The following IQCJ variants were observed in gnomAD, a reference collection of about 807,000 sequenced individuals.
IQCJ encodes the protein IQ domain-containing protein J.
Under a neutral mutation model 11.0 loss-of-function variants are expected in IQCJ, and 9 were observed. That is an observed-to-expected ratio of 0.82 (90% CI 0.49 to 1.43). The LOEUF (loss-of-function observed/expected upper bound fraction) is 1.43, where lower values mean the gene tolerates loss of function less well. Among genes scored for constraint, IQCJ ranks in the 40% most tolerant of loss-of-function variants. The pLI is 0.00. For synonymous variants in IQCJ, 55 were observed against 51.3 expected (o/e 1.07, Z -0.31); for missense variants, 146 against 133.2 (o/e 1.10, Z -0.47).
intron 1 of IQCJ, among the ~76,000 whole-genome samples, chr3:159,179,436 T>C (rs1722966256): frequency 6.6e-6 from 1 of 152,134 alleles, no homozygotes; most frequent in Admixed American, 6.5e-5. Flanking sequence ...CCTATCAAAC[T>C]GGTAAAGGGT....
chr3:159,123,200 TGA>T (rs762800049), intron 1 of IQCJ, among the ~76,000 whole-genome samples: 9 of 152,190 alleles, frequency 5.9e-5, no homozygotes, highest in Admixed American at 1.3e-4. Flanking sequence ...GCAGTATATT[TGA>T]CTTCATATCC....
chr3:159,160,515 T>A (rs958085286), intron 1 of IQCJ, among the ~76,000 whole-genome samples: 10 of 151,758 alleles, frequency 6.6e-5, no homozygotes, highest in Non-Finnish European at 8.8e-5. Flanking sequence ...ATATTTTTAT[T>A]TTTTTATTTT....
intron 1 of IQCJ, among the ~76,000 whole-genome samples, chr3:159,205,985 G>A (rs1724637504): frequency 6.6e-6 from 1 of 152,140 alleles, no homozygotes; most frequent in Non-Finnish European, 1.5e-5. Flanking sequence ...AGTGGGCAGT[G>A]CCTTAATTTC....
intron 1 of IQCJ, among the ~76,000 whole-genome samples, chr3:159,132,211 T>G (rs908951478): frequency 6.6e-6 from 1 of 152,200 alleles, no homozygotes; most frequent in Non-Finnish European, 1.5e-5. Flanking sequence ...AGATTTAGGC[T>G]CAGAATTGGA....
intron 1 of IQCJ, among the ~76,000 whole-genome samples, chr3:159,136,213 T>G (rs1349823799): frequency 1.3e-5 from 2 of 152,202 alleles, no homozygotes; most frequent in African/African-American, 4.8e-5. Context: ...GATATTTTAG[T>G]ACAGCCCCCT....
In IQCJ at chr3:159,263,101, G is replaced by A. The variant is rs779492056; in HGVS notation, c.*370G>A. 6 of 992,114 alleles carry A rather than the reference G, an allele frequency of 6.0e-6. No homozygotes were observed. The highest frequency in any genetic ancestry group is 7.2e-6 in the Non-Finnish European group (6 of 833,304). 61.5% of individuals were successfully genotyped at this position (992,114 alleles called of 1,614,324 possible). On this transcript the variant is annotated 3_prime_UTR_variant, in exon 4 of 4. Coordinates refer to ENST00000397832, the MANE Select transcript of IQCJ (RefSeq NM_001042706.3). The stretch of plus-strand genomic sequence containing the variant: ...AGAATTGAAAGTGGTCACACACTCA[G>A]GGGTTGCAACTTAAATGTCTCCAGG...
chr3:159,112,571 T>A (rs1021886938), intron 1 of IQCJ, among the ~76,000 whole-genome samples: 1 of 146,088 alleles, frequency 6.8e-6, no homozygotes, highest in African/African-American at 2.8e-5. Flanking sequence ...CTGAAGCATG[T>A]TAACAGTAGC....
chr3:159,181,426 A>AAAAT (rs1723086667), intron 1 of IQCJ, among the ~76,000 whole-genome samples: 2 of 144,942 alleles, frequency 1.4e-5, no homozygotes, highest in African/African-American at 5.2e-5. Flanking sequence ...GTGAGTGGCT[A>AAAAT]GACTTCCTGC....
At chr3:159,200,762 C>G (rs1407921979) in intron 1 of IQCJ, among the ~76,000 whole-genome samples, 1 of 152,176 alleles carries the variant, frequency 6.6e-6, no homozygotes, top group Non-Finnish European at 1.5e-5. Flanking sequence ...CTTCTGGCAT[C>G]CCTGGCATAG....
At chr3:159,115,867 C>T (rs1387564305) in intron 1 of IQCJ, among the ~76,000 whole-genome samples, 1 of 152,082 alleles carries the variant, frequency 6.6e-6, no homozygotes, top group African/African-American at 2.4e-5. Context: ...AATGAGAACA[C>T]ATGGACACTG....
intron 1 of IQCJ, among the ~76,000 whole-genome samples, chr3:159,165,480 A>G (rs924653961): frequency 1.3e-5 from 2 of 152,206 alleles, no homozygotes; most frequent in Non-Finnish European, 2.9e-5. Flanking sequence ...TACACAGGCA[A>G]TTGTGTATTC....
chr3:159,209,531 G>T (rs1320451862), intron 1 of IQCJ, among the ~76,000 whole-genome samples: 2 of 152,116 alleles, frequency 1.3e-5, no homozygotes, highest in Non-Finnish European at 2.9e-5. Flanking sequence ...CACTGAGCTG[G>T]TTAACACTTA....
chr3:159,249,102 C>G (rs552148350), intron 2 of IQCJ, among the ~76,000 whole-genome samples: 1 of 152,110 alleles, frequency 6.6e-6, no homozygotes, highest in African/African-American at 2.4e-5. Flanking sequence ...GTAATCCACC[C>G]GCCTTGGCCT....
chr3:159,086,292 C>G (rs1716764536), intron 1 of IQCJ, among the ~76,000 whole-genome samples: 1 of 152,078 alleles, frequency 6.6e-6, no homozygotes, highest in Non-Finnish European at 1.5e-5. Flanking sequence ...GTTTTGGTAC[C>G]AGTACCATGC....
intron 1 of IQCJ, among the ~76,000 whole-genome samples, chr3:159,241,297 T>C (rs1217468546): frequency 1.3e-5 from 2 of 151,898 alleles, no homozygotes; most frequent in Non-Finnish European, 2.9e-5. Flanking sequence ...TAATCCCAGC[T>C]ACTCGGGAGG....
At chr3:159,233,214 G>GA (rs1726369594) in intron 1 of IQCJ, among the ~76,000 whole-genome samples, 1 of 152,092 alleles carries the variant, frequency 6.6e-6, no homozygotes, top group Non-Finnish European at 1.5e-5. Flanking sequence ...GTCGGTTGGG[G>GA]ATGGAAAGAG....
chr3:159,241,095 A>G (rs780275208), intron 1 of IQCJ, among the ~76,000 whole-genome samples: 1 of 151,980 alleles, frequency 6.6e-6, no homozygotes, highest in Non-Finnish European at 1.5e-5. Flanking sequence ...AGAAACCCCA[A>G]CTGAAAGTGT....
chr3:159,148,017 G>C (rs115503430), intron 1 of IQCJ, among the ~76,000 whole-genome samples: 1 of 152,230 alleles, frequency 6.6e-6, no homozygotes, highest in East Asian at 1.9e-4. Context: ...CCCCACCCCA[G>C]AACTGCTGAA....
intron 1 of IQCJ, among the ~76,000 whole-genome samples, chr3:159,116,448 C>T (rs1355801298): frequency 6.6e-6 from 1 of 151,628 alleles, no homozygotes; most frequent in African/African-American, 2.4e-5. Flanking sequence ...GCTGTATTTT[C>T]AGTTCAAGAA....
Sources: allele counts gnomAD v4.1 joint callset (sites outside exome capture counted in the v4.1 genomes callset), GRCh38; gene constraint gnomAD v4.1.1; transcripts MANE v1.5; gene names NCBI Gene and HGNC (gene_info 2026-07-23, HGNC 2026-07-21).